The following ASB6 variants were observed in gnomAD, a reference collection of about 807,000 sequenced individuals.
ASB6 encodes the protein ankyrin repeat and SOCS box protein 6.
A neutral mutation model predicts 28.6 loss-of-function variants in ASB6; 24 were observed. The observed-to-expected ratio is 0.84, with a 90% CI of 0.61 to 1.18. The LOEUF is 1.18. Ranked by LOEUF, ASB6 falls within the 50% of genes most tolerant of loss-of-function variation. The probability of loss-of-function intolerance (pLI) is 0.00; values close to 1 mark genes in which losing one functional copy is unlikely to be tolerated. For synonymous variants in ASB6, 267 were observed against 243.4 expected, an observed-to-expected ratio of 1.10 and a Z score of -0.90; for missense variants, 519 against 559.8, an observed-to-expected ratio of 0.93 and a Z score of 0.74.
Position 129,640,544 on chromosome 9 carries a change from C to A in ASB6, c.292G>T (p.Glu98Ter). The A allele has an allele frequency of 2.5e-6, 4 of 1,606,330 alleles. No homozygotes were observed. Among genetic ancestry groups the A allele is most frequent in the Non-Finnish European group, 3.4e-6 (4 of 1,177,290 alleles). ...CACCCCCGGGGCTCTCGCTGACCTT[C>A]AAAGTTGAGATTGGCCCCATGCCGC... ...LLRHGANLNF[E>*]DPVTYYTALH... Residue 98 changes from glutamate to a stop codon, truncating the protein, a stop_gained, in exon 2 of 6, where the codon GAA (glutamate) becomes TAA (stop). Coordinates refer to ENST00000277458, the MANE Select transcript of ASB6 (RefSeq NM_017873.4). LOFTEE classifies it high-confidence loss of function.
rs1302431929 is a variant in ASB6, at chr9:129,636,961, G to C, written c.*829C>G. On this transcript the variant is annotated 3_prime_UTR_variant, in exon 6 of 6. Transcript: ENST00000277458. ...ATTTAGTCACCTCAGCTTATCCCCA[G>C]AGGTGTTTACACAATTCCCAATGAC... 6.6e-6 allele frequency: 1 copy of C among 152,204 alleles called. No homozygotes were observed. Among genetic ancestry groups the C allele is most frequent in the Non-Finnish European group, 1.5e-5 (1 of 68,046 alleles). 9.4% of individuals were successfully genotyped at this position (152,204 alleles called of 1,614,324 possible).
Position 129,635,587 on chromosome 9 carries a change from T to A in ASB6, c.*2203A>T. On this transcript the variant is annotated 3_prime_UTR_variant, in exon 6 of 6. Transcript: ENST00000277458. Reference sequence around the variant, plus strand: ...CGAGGCACCACTAAATATAGCTGTCTGCCGTCCACTCATTATGCGGGCTCT... The same window carrying A: ...CGAGGCACCACTAAATATAGCTGTCAGCCGTCCACTCATTATGCGGGCTCT... 8.5e-7 allele frequency: 1 copy of A among 1,182,160 alleles called. No homozygotes were observed. Among genetic ancestry groups the A allele is most frequent in the Middle Eastern group, 2.1e-4 (1 of 4,876 alleles). 73.2% of individuals were successfully genotyped at this position (1,182,160 alleles called of 1,614,324 possible).
chr9:129,640,408 G>T, intron 2 of ASB6, 133 bp downstream of exon 2: 1 of 1,286,386 alleles, frequency 7.8e-7, no homozygotes, highest in Non-Finnish European at 1.0e-6. Context: ...TTCCTTAGTT[G>T]CAGCCACCCA....
intron 2 of ASB6, 34 bp downstream of exon 2, chr9:129,640,506 TA>T: frequency 6.3e-7 from 1 of 1,586,606 alleles, no homozygotes; most frequent in Non-Finnish European, 8.6e-7. Context: ...GGGCCGCGTT[TA>T]AGCCACCTGC....
chr9:129,639,741 TAAG>T (rs1343397847), intron 2 of ASB6, among the ~76,000 whole-genome samples: 1 of 152,086 alleles, frequency 6.6e-6, no homozygotes, highest in Non-Finnish European at 1.5e-5. Context: ...TCCTCTTCTG[TAAG>T]AAGGGACCAT....
intron 1 of ASB6, 26 bp from the exon 2 acceptor site, chr9:129,640,748 A>G (rs1442342438): frequency 6.2e-7 from 1 of 1,613,014 alleles, no homozygotes; most frequent in South Asian, 1.1e-5. Context: ...GGCTGAGGGT[A>G]GGCACAGCTG....
chr9:129,638,859 C>A (rs965996037), intron 4 of ASB6, among the ~76,000 whole-genome samples, 200 bp from the exon 5 acceptor site: 1 of 152,176 alleles, frequency 6.6e-6, no homozygotes, highest in Non-Finnish European at 1.5e-5. Flanking sequence ...GCGGAAAGGC[C>A]AGGAAAGGTA....
Position 129,639,278 on chromosome 9 carries a change from G to A in ASB6, c.435C>T (p.Ser145=), listed in dbSNP as rs568427386. 25 of 1,612,774 alleles carry A rather than the reference G, an allele frequency of 1.6e-5. No individual in the cohort carries two copies. Among genetic ancestry groups the A allele is most frequent in the Admixed American group, 6.7e-5 (4 of 59,952 alleles). Residue 145 remains serine, a synonymous_variant, in exon 4 of 6, where the codon AGC becomes AGT. Coordinates refer to ENST00000277458, the MANE Select transcript of ASB6 (RefSeq NM_017873.4). ...GGCAGGGCAGGCGCTCAGGCTCCTC[G>A]CTGGCCAGGTCCAAGGGGCTACTCT... The part of the protein sequence containing the change: ...IHESSPLDLA[S]EEPERLPCLQ...
chr9:129,636,892 T>TA lies in ASB6; in HGVS notation c.*897_*898insT, dbSNP rs1831569813. 5 of 152,262 alleles carry TA rather than the reference T, an allele frequency of 3.3e-5. No homozygotes were observed. In the East Asian group the frequency reaches 5.8e-4, roughly 18 times the overall value. 9.4% of individuals were successfully genotyped at this position (152,262 alleles called of 1,614,324 possible). ...GTGGAAATTTTATATAAGGACCTTG[T>TA]TAAGGCCAAGAAAGTCAGTTTAATC... On this transcript the variant is annotated 3_prime_UTR_variant, in exon 6 of 6. Transcript: ENST00000277458.
chr9:129,640,623 G>A lies in ASB6; in HGVS notation c.213C>T (p.Asn71=), dbSNP rs1251058425. The change falls in exon 2 of 6, where the codon AAC becomes AAT. Residue 71 remains asparagine, a synonymous_variant. Coordinates refer to ENST00000277458, the MANE Select transcript of ASB6 (RefSeq NM_017873.4). ...CCAGCTCAGCCATCTTGAGCAGGGC[G>A]TTGCTCACGCCTTCCTGGTAAAAGG... ...HSPFYQEGVS[N]ALLKMAELGL... The A allele has an allele frequency of 6.2e-7, 1 of 1,614,044 alleles. No individual in the cohort carries two copies. Among genetic ancestry groups the A allele is most frequent in the East Asian group, 2.2e-5 (1 of 44,882 alleles).
At position 129,635,156 on chromosome 9, in the gene ASB6, G is replaced by A; in HGVS notation, c.*2634C>T. 6.4e-7 allele frequency: 1 copy of A among 1,571,846 alleles called. No individual in the cohort carries two copies. Among genetic ancestry groups the A allele is most frequent in the Non-Finnish European group, 8.6e-7 (1 of 1,163,326 alleles). On this transcript the variant is annotated 3_prime_UTR_variant, in exon 6 of 6. Coordinates refer to ENST00000277458, the MANE Select transcript of ASB6 (RefSeq NM_017873.4). The stretch of plus-strand genomic sequence containing the variant: ...GGCTGAGAAGTACATCCCATCCAGT[G>A]CCGACATCCGCTTGCATGGTGCCCT...
rs766816681 is a variant in ASB6, at chr9:129,639,476, C to T, written c.328G>A (p.Ala110Thr). The change falls in exon 3 of 6, where the codon GCC becomes ACC. Residue 110 changes from alanine to threonine, a missense_variant. Coordinates refer to ENST00000277458, the MANE Select transcript of ASB6 (RefSeq NM_017873.4). ...PVTYYTALHI[A>T]VLRNQPDMVE... ...ATGTCCGGCTGGTTCCGCAGGACGG[C>T]GATGTGCAAGGCCGTGTAGTAGGTG... 10 of 1,613,752 alleles carry T rather than the reference C, an allele frequency of 6.2e-6. No homozygotes were observed. The highest frequency in any genetic ancestry group is 2.2e-5 in the East Asian group (1 of 44,876).
chr9:129,639,449 C>A lies in ASB6; in HGVS notation c.355G>T (p.Val119Leu). 1.2e-6 allele frequency: 2 copies of A among 1,613,862 alleles called. No homozygotes were observed. The highest frequency in any genetic ancestry group is 1.7e-6 in the Non-Finnish European group (2 of 1,179,832). The change falls in exon 3 of 6, where the codon GTG becomes TTG. Residue 119 changes from valine (V) to leucine (L), a missense_variant. Val to Leu is a conservative substitution (Grantham distance 32, BLOSUM62 1). Transcript: ENST00000277458. Reference sequence around the variant, plus strand: ...GCCCCGTGATGCACCAGCAGCTCCACCATGTCCGGCTGGTTCCGCAGGACG... The same window carrying A: ...GCCCCGTGATGCACCAGCAGCTCCAACATGTCCGGCTGGTTCCGCAGGACG... ...IAVLRNQPDM[V>L]ELLVHHGADV... is the part of the protein sequence containing the mutation.
At position 129,635,357 on chromosome 9, in the gene ASB6, G is replaced by A. The variant is rs371201800; in HGVS notation, c.*2433C>T. ...CAGCAGCGTGTGCCGGGACCTTGAC[G>A]TGGTCCGCAGGATCATCTGCAGTGC... On this transcript the variant is annotated 3_prime_UTR_variant, in exon 6 of 6. Coordinates refer to ENST00000277458, the MANE Select transcript of ASB6 (RefSeq NM_017873.4). 1.2e-4 allele frequency: 198 copies of A among 1,613,722 alleles called. No individual in the cohort carries two copies. The highest frequency in any genetic ancestry group is 1.6e-4 in the Non-Finnish European group (186 of 1,180,044).
chr9:129,640,071 A>G (rs955910322), intron 2 of ASB6, among the ~76,000 whole-genome samples: 1 of 152,156 alleles, frequency 6.6e-6, no homozygotes, highest in African/African-American at 2.4e-5. Flanking sequence ...GCTCGGCTCC[A>G]TCTCCATCCC....
chr9:129,635,581 G>A lies in ASB6; in HGVS notation c.*2209C>T, dbSNP rs1831505286. The A allele has an allele frequency of 1.6e-6, 2 of 1,228,086 alleles. No individual in the cohort carries two copies. The highest frequency in any genetic ancestry group is 2.2e-5 in the Admixed American group (1 of 45,732). The allele number at this position is 1,228,086 out of a possible 1,614,324, so 76.1% of individuals were successfully genotyped here. On this transcript the variant is annotated 3_prime_UTR_variant, in exon 6 of 6. Coordinates refer to ENST00000277458, the MANE Select transcript of ASB6 (RefSeq NM_017873.4). ...GAGTGTCGAGGCACCACTAAATATA[G>A]CTGTCTGCCGTCCACTCATTATGCG... is the stretch of plus-strand genomic sequence containing the variant.
chr9:129,641,792 G>A (rs892705495), intron 1 of ASB6, 95 bp downstream of exon 1: 8 of 1,273,668 alleles, frequency 6.3e-6, no homozygotes, highest in African/African-American at 1.6e-5. Flanking sequence ...CCTCTGTCAA[G>A]GGGGACGCAT....
Position 129,636,464 on chromosome 9 carries a change from A to AG in ASB6, c.*1325dup, listed in dbSNP as rs1009204141. On this transcript the variant is annotated 3_prime_UTR_variant, in exon 6 of 6. Transcript: ENST00000277458. ...GTAATCCCAGCACTTTGAAAGGCCG[A>AG]GGCAGGCGAATCACCTGAGGTCAGG... 2 of 152,088 alleles carry AG rather than the reference A, an allele frequency of 1.3e-5. No homozygotes were observed. Among genetic ancestry groups the AG allele is most frequent in the African/African-American group, 4.8e-5 (2 of 41,396 alleles). 9.4% of individuals were successfully genotyped at this position (152,088 alleles called of 1,614,324 possible). A position where few individuals can be genotyped will look rare whatever the true frequency, so the allele number is the denominator to read the frequency against.
At position 129,642,092 on chromosome 9, in the gene ASB6, C is replaced by A; in HGVS notation, c.-93G>T. ...GGAACGCTCCGGCGGCCGCGGACCC[C>A]ACCTGCTCCGCCAGTCCAGCCCCTG... is the stretch of plus-strand genomic sequence containing the variant. On this transcript the variant is annotated 5_prime_UTR_variant, in exon 1 of 6. Transcript: ENST00000277458. This position sits in a 1 kb window ranked among gnomAD's most constrained non-coding sequence, Gnocchi z 4.3. The A allele has an allele frequency of 1.4e-5, 20 of 1,415,040 alleles. No individual in the cohort carries two copies. The South Asian group carries it at 2.9e-4, about 21-fold the overall frequency. 87.7% of individuals were successfully genotyped at this position (1,415,040 alleles called of 1,614,324 possible).
Sources: allele counts gnomAD v4.1 joint callset (sites outside exome capture counted in the v4.1 genomes callset), GRCh38; gene constraint gnomAD v4.1.1; non-coding constraint Gnocchi (gnomAD v3.1); transcripts MANE v1.5; gene names NCBI Gene and HGNC (gene_info 2026-07-23, HGNC 2026-07-21).